The following DDHD1 variants were observed in gnomAD, a reference collection of about 807,000 sequenced individuals.
DDHD1 encodes the protein DDHD domain containing 1, also known as phospholipase DDHD1.
DDHD1 carries 49 observed loss-of-function variants against 96.4 expected under a neutral mutation model. That is an observed-to-expected ratio of 0.51 (90% confidence interval 0.40 to 0.64). DDHD1 has a LOEUF of 0.64. Ranked by LOEUF, DDHD1 falls within the 30% of genes least tolerant of loss-of-function variation. The probability of loss-of-function intolerance (pLI) is 0.00; values close to 1 mark genes in which losing one functional copy is unlikely to be tolerated. For synonymous variants in DDHD1, 442 were observed against 446.5 expected (o/e 0.99, Z 0.13); for missense variants, 1,106 against 1,161.2 (o/e 0.95, Z 0.69).
At chr14:53,105,879 T>C (rs188570880) in intron 1 of DDHD1, among the ~76,000 whole-genome samples, 84 of 152,184 alleles carry the variant, frequency 5.5e-4, no homozygotes, top group African/African-American at 2.0e-3. Flanking sequence ...ATTTCTGCTA[T>C]TTTTTTATTT....
intron 4 of DDHD1, among the ~76,000 whole-genome samples, chr14:53,084,388 A>G (rs7141133): frequency 6.6e-6 from 1 of 152,138 alleles, no homozygotes; most frequent in African/African-American, 2.4e-5. Flanking sequence ...AAGGAATCAA[A>G]CTGATACCTT....
chr14:53,141,662 G>A (rs926694092), intron 1 of DDHD1, among the ~76,000 whole-genome samples: 7 of 152,152 alleles, frequency 4.6e-5, no homozygotes, highest in African/African-American at 9.7e-5. Context: ...AGAGTATTCC[G>A]TTGTCTTCAT....
intron 3 of DDHD1, chr14:53,092,315 C>A (rs1185106106): frequency 3.9e-5 from 6 of 154,418 alleles, no homozygotes; most frequent in Non-Finnish European, 7.2e-5. Flanking sequence ...AAAGTAAAGA[C>A]AACCATTCAA....
chr14:53,044,194 T>A lies in DDHD1; in HGVS notation c.*2574A>T, dbSNP rs1881855377. On this transcript the variant is annotated 3_prime_UTR_variant, in exon 13 of 13. Transcript: ENST00000673822. ...AAACCGAAATCACCATCTCTACTGATGAAAAATGAACTGAAAACAAAACAT... is the reference window on the plus strand; with the variant it reads ...AAACCGAAATCACCATCTCTACTGAAGAAAAATGAACTGAAAACAAAACAT... The A allele has an allele frequency of 6.6e-6, 1 of 152,152 alleles. No individual in the cohort carries two copies. The highest frequency in any genetic ancestry group is 1.5e-5 in the Non-Finnish European group (1 of 68,036). 9.4% of individuals were successfully genotyped at this position (152,152 alleles called of 1,614,324 possible). A position where few individuals can be genotyped will look rare whatever the true frequency, so the allele number is the denominator to read the frequency against.
chr14:53,093,625 CTTTA>C, intron 2 of DDHD1, 181 bp from the exon 3 acceptor site: 2 of 647,676 alleles, frequency 3.1e-6, no homozygotes, highest in Non-Finnish European at 4.8e-6. Context: ...TGGATAGGGA[CTTTA>C]TTTTATAAAT....
intron 4 of DDHD1, among the ~76,000 whole-genome samples, chr14:53,078,451 C>T (rs1023164578): frequency 6.6e-6 from 1 of 152,004 alleles, no homozygotes; most frequent in Admixed American, 6.6e-5. Context: ...AAATCCTTTA[C>T]CCATTTAAAA....
rs568623108 is a variant in DDHD1 at position 53,091,992 on chromosome 14, T to C, written c.1142-60A>G. 104 of 1,502,546 alleles carry C rather than the reference T, an allele frequency of 6.9e-5. No individual in the cohort carries two copies. In the African/African-American group the frequency reaches 1.4e-3, roughly 20 times the overall value. The allele number at this position is 1,502,546 out of a possible 1,614,324, so 93.1% of individuals were successfully genotyped here. A position where few individuals can be genotyped will look rare whatever the true frequency, so the allele number is the denominator to read the frequency against. On this transcript the variant is annotated intron_variant, in intron 3 of 12. Transcript: ENST00000673822. ...AATCTGAGAAATAGCATTTCCACAATATGTTAAAAGAAAAAAAAGAAGTAA... is the reference window on the plus strand; with the variant it reads ...AATCTGAGAAATAGCATTTCCACAACATGTTAAAAGAAAAAAAAGAAGTAA...
At chr14:53,080,433 T>C (rs1885361511) in intron 4 of DDHD1, among the ~76,000 whole-genome samples, 1 of 152,192 alleles carries the variant, frequency 6.6e-6, no homozygotes. Context: ...CTTATATCTT[T>C]AGCCCATTTT....
In DDHD1 at chr14:53,152,729, G is replaced by T; in HGVS notation, c.370C>A (p.Pro124Thr). 6.2e-7 allele frequency: 1 copy of T among 1,602,414 alleles called. No individual in the cohort carries two copies. The highest frequency in any genetic ancestry group is 1.1e-5 in the South Asian group (1 of 90,398). The part of the protein sequence containing the change: ...SLSLHPPQQP[P>T]LVPTNSGGGG... ...CCCCCCGAGTTCGTCGGGACCAGCG[G>T]AGGCTGCTGCGGCGGGTGCAGCGAC... is the stretch of plus-strand genomic sequence containing the variant. Residue 124 changes from proline to threonine, a missense_variant, in exon 1 of 13, where the codon CCG becomes ACG. By Grantham distance (38) the Pro-to-Thr change is conservative (BLOSUM62 -1). Coordinates refer to ENST00000673822, the MANE Select transcript of DDHD1 (RefSeq NM_001160148.2).
At chr14:53,132,134 GC>G (rs1365649094) in intron 1 of DDHD1, among the ~76,000 whole-genome samples, 4 of 151,918 alleles carry the variant, frequency 2.6e-5, no homozygotes, top group Non-Finnish European at 5.9e-5. Context: ...TTAAAAAACA[GC>G]CCTAAAAGCT....
chr14:53,074,927 CATT>C (rs1418615303), intron 4 of DDHD1, among the ~76,000 whole-genome samples: 1 of 152,086 alleles, frequency 6.6e-6, no homozygotes, highest in Non-Finnish European at 1.5e-5. Context: ...CAAATTTTCT[CATT>C]ATTATTACAT....
chr14:53,086,343 A>AT (rs1178370935), intron 4 of DDHD1, among the ~76,000 whole-genome samples: 1 of 152,186 alleles, frequency 6.6e-6, no homozygotes, highest in African/African-American at 2.4e-5. Flanking sequence ...TCCAAGACAC[A>AT]TAATTGTCAG....
intron 1 of DDHD1, among the ~76,000 whole-genome samples, chr14:53,120,177 C>A (rs1888876184): frequency 6.6e-6 from 1 of 152,154 alleles, no homozygotes; most frequent in South Asian, 2.1e-4. Context: ...AGAGCCAAAT[C>A]ATGAGTGAAC....
At chr14:53,078,469 G>C (rs1885159050) in intron 4 of DDHD1, among the ~76,000 whole-genome samples, 1 of 151,898 alleles carries the variant, frequency 6.6e-6, no homozygotes. Context: ...AAAAAACTGG[G>C]GTCTTCCTTT....
chr14:53,069,846 T>C (rs1442268163), intron 6 of DDHD1, among the ~76,000 whole-genome samples: 2 of 152,156 alleles, frequency 1.3e-5, no homozygotes, highest in East Asian at 1.9e-4. Context: ...CTGCTAAAGA[T>C]TGCTGATGAA....
In DDHD1 at chr14:53,040,492, A is replaced by C. The variant is rs2139785214; in HGVS notation, c.*6276T>G. On this transcript the variant is annotated 3_prime_UTR_variant, in exon 13 of 13. Coordinates refer to ENST00000673822, the MANE Select transcript of DDHD1 (RefSeq NM_001160148.2). ...GCACAACTACTTGTTTCGGGTGAGC[A>C]AGATAACAAACGGATCAATTCAGCT... The C allele has an allele frequency of 6.6e-6, 1 of 152,334 alleles. No homozygotes were observed. The highest frequency in any genetic ancestry group is 6.5e-5 in the Admixed American group (1 of 15,294). The allele number at this position is 152,334 out of a possible 1,614,324, so 9.4% of individuals were successfully genotyped here. A position where few individuals can be genotyped will look rare whatever the true frequency, so the allele number is the denominator to read the frequency against.
At position 53,152,549 on chromosome 14, in the gene DDHD1, C is replaced by T; in HGVS notation, c.550G>A (p.Gly184Ser). 2 of 1,613,864 alleles carry T rather than the reference C, an allele frequency of 1.2e-6. No individual in the cohort carries two copies. Among genetic ancestry groups the T allele is most frequent in the Non-Finnish European group, 1.7e-6 (2 of 1,179,940 alleles). The change falls in exon 1 of 13, where the codon GGC becomes AGC. Residue 184 changes from glycine (G) to serine (S), a missense_variant. By Grantham distance (56) the Gly-to-Ser change is moderately conservative. Coordinates refer to ENST00000673822, the MANE Select transcript of DDHD1 (RefSeq NM_001160148.2). ...EDKKTWKPFI[G>S]YDSLRIELAF... Reference sequence around the variant, plus strand: ...AGCTCGATGCGGAGCGAGTCGTAGCCGATGAAGGGCTTCCAGGTCTTCTTG... The same window carrying T: ...AGCTCGATGCGGAGCGAGTCGTAGCTGATGAAGGGCTTCCAGGTCTTCTTG...
Position 53,102,370 on chromosome 14 carries a change from T to C in DDHD1, c.1012+1313A>G, listed in dbSNP as rs564982688. On this transcript the variant is annotated intron_variant, in intron 2 of 12. Coordinates refer to ENST00000673822, the MANE Select transcript of DDHD1 (RefSeq NM_001160148.2). Reference sequence around the variant, plus strand: ...CTTACACTGGGCTGCTCCTTATTTATTGATATGTAAGAACCTTTAGTTTAA... The same window carrying C: ...CTTACACTGGGCTGCTCCTTATTTACTGATATGTAAGAACCTTTAGTTTAA... Among the ~76,000 whole-genome samples, 5 of 152,192 alleles carry C rather than the reference T, an allele frequency of 3.3e-5. No homozygotes were observed. In the East Asian group the frequency reaches 9.6e-4, roughly 29 times the overall value.
intron 1 of DDHD1, among the ~76,000 whole-genome samples, chr14:53,152,006 G>A (rs938699484): frequency 1.3e-5 from 2 of 152,214 alleles, no homozygotes; most frequent in African/African-American, 4.8e-5. Context: ...GGGGATGGCA[G>A]CAGCACCCGG....
Sources: allele counts gnomAD v4.1 joint callset (sites outside exome capture counted in the v4.1 genomes callset), GRCh38; gene constraint gnomAD v4.1.1; transcripts MANE v1.5; gene names NCBI Gene and HGNC (gene_info 2026-07-23, HGNC 2026-07-21).